ADD3: variants seen among roughly 807,000 people sequenced by gnomAD.
ADD3 encodes adducin 3, also known as gamma-adducin.
In ADD3, 25 loss-of-function variants were observed where a neutral mutation model predicts 80.2. The ratio of observed to expected loss-of-function variants is 0.31; its 90% CI spans 0.23 to 0.44. The LOEUF (loss-of-function observed/expected upper bound fraction) is 0.44, where lower values mean the gene tolerates loss of function less well. ADD3 is among the 20% of genes least tolerant of loss of function. The pLI is 1.00. For synonymous variants in ADD3, 284 were observed against 289.6 expected, an observed-to-expected ratio of 0.98 and a Z score of 0.20; for missense variants, 829 against 847.5, an observed-to-expected ratio of 0.98 and a Z score of 0.27.
chr10:110,055,110 G>A (rs749028088), intron 1 of ADD3, among the ~76,000 whole-genome samples: 27 of 152,192 alleles, frequency 1.8e-4, no homozygotes, highest in Non-Finnish European at 3.2e-4. Context: ...CCTCTAGTAA[G>A]TGCCCAATAA....
At chr10:110,039,106 C>T (rs1345524480) in intron 1 of ADD3, among the ~76,000 whole-genome samples, 8 of 152,106 alleles carry the variant, frequency 5.3e-5, no homozygotes, top group Admixed American at 1.3e-4. Flanking sequence ...TTAATTGTAA[C>T]GACTTATATT....
intron 1 of ADD3, among the ~76,000 whole-genome samples, chr10:110,045,017 G>A (rs1188746635): frequency 1.3e-5 from 2 of 152,212 alleles, no homozygotes; most frequent in Non-Finnish European, 2.9e-5. Context: ...GGACTAGTTG[G>A]TTACTTAGTA....
At chr10:110,037,343 G>A (rs901035612) in intron 1 of ADD3, among the ~76,000 whole-genome samples, 3 of 152,162 alleles carry the variant, frequency 2.0e-5, no homozygotes, top group Non-Finnish European at 4.4e-5. Flanking sequence ...GTGACTCAAC[G>A]CCTATAATCC....
At chr10:110,047,535 A>G (rs1439491105) in intron 1 of ADD3, among the ~76,000 whole-genome samples, 1 of 152,204 alleles carries the variant, frequency 6.6e-6, no homozygotes, top group East Asian at 1.9e-4. Flanking sequence ...AGGCCTAGAT[A>G]ATTTTTTAAT....
chr10:110,121,262 T>C (rs1590214981), intron 8 of ADD3, among the ~76,000 whole-genome samples: 1 of 152,176 alleles, frequency 6.6e-6, no homozygotes, highest in East Asian at 1.9e-4. Context: ...GCTGGGTAGA[T>C]CACCTGAGGT....
At chr10:110,097,113 T>C (rs1402391934) in intron 1 of ADD3, among the ~76,000 whole-genome samples, 1 of 152,260 alleles carries the variant, frequency 6.6e-6, no homozygotes, top group Non-Finnish European at 1.5e-5. Flanking sequence ...TGTTTAAGTA[T>C]ATTAACAGTT....
At chr10:110,067,013 G>C (rs115123452) in intron 1 of ADD3, among the ~76,000 whole-genome samples, 1 of 152,164 alleles carries the variant, frequency 6.6e-6, no homozygotes, top group Non-Finnish European at 1.5e-5. Context: ...TTAAGAACAC[G>C]GGTCTAGGTG....
At chr10:110,050,098 T>C (rs1314883143) in intron 1 of ADD3, among the ~76,000 whole-genome samples, 1 of 152,158 alleles carries the variant, frequency 6.6e-6, no homozygotes, top group Admixed American at 6.5e-5. Context: ...GAAGAGACTT[T>C]GGACTGTGGA....
intron 1 of ADD3, among the ~76,000 whole-genome samples, chr10:110,080,771 C>T (rs552506694): frequency 6.6e-6 from 1 of 152,320 alleles, no homozygotes; most frequent in East Asian, 1.9e-4. Context: ...TTTAATCCAT[C>T]TCCTTGTTTC....
chr10:110,030,144 A>G lies in ADD3; in HGVS notation c.-30+21845A>G, dbSNP rs575121687. 9.0e-3 allele frequency among the ~76,000 whole-genome samples: 1,333 copies of G among 147,882 alleles called. 16 individuals carry two copies. Among genetic ancestry groups the G allele is most frequent in the South Asian group, 0.048 (197 of 4,076 alleles). On this transcript the variant is annotated intron_variant, in intron 1 of 14. Transcript: ENST00000356080. ...TTCGAGACCAGCCTGACCAACATGG[A>G]GAAACCTCATCTCTACTAAAAATAC... is the stretch of plus-strand genomic sequence containing the variant.
chr10:110,003,958 T>C (rs1851538926), upstream of ADD3, among the ~76,000 whole-genome samples: 2 of 152,194 alleles, frequency 1.3e-5, no homozygotes, highest in Admixed American at 6.5e-5. Flanking sequence ...AATTCATTCA[T>C]TAAATCGTGT....
At chr10:110,040,961 T>G (rs1419389418) in intron 1 of ADD3, among the ~76,000 whole-genome samples, 3 of 16,556 alleles carry the variant, frequency 1.8e-4, no homozygotes, top group Non-Finnish European at 1.5e-3. Context: ...TCTGTCTCTC[T>G]CTGTCTCTCT....
At chr10:110,087,974 G>T (rs1847008142) in intron 1 of ADD3, among the ~76,000 whole-genome samples, 1 of 152,256 alleles carries the variant, frequency 6.6e-6, no homozygotes, top group South Asian at 2.1e-4. Flanking sequence ...GGCTTCTCAT[G>T]GTTCCCAGCT....
chr10:109,999,021 A>G (rs1446152357), intron 1 of ADD3, among the ~76,000 whole-genome samples: 2 of 152,208 alleles, frequency 1.3e-5, no homozygotes, highest in Non-Finnish European at 1.5e-5. Flanking sequence ...TCTACCACCC[A>G]GAACAGTGCC....
intron 1 of ADD3, among the ~76,000 whole-genome samples, chr10:110,095,761 T>C (rs539730771): frequency 1.3e-5 from 2 of 152,312 alleles, no homozygotes; most frequent in East Asian, 1.9e-4. Flanking sequence ...AGCCATACCA[T>C]AGAATAGCAT....
At chr10:110,113,330 C>T (rs549332619) in intron 3 of ADD3, among the ~76,000 whole-genome samples, 3 of 152,288 alleles carry the variant, frequency 2.0e-5, no homozygotes, top group East Asian at 1.9e-4. Flanking sequence ...TACAGTGGCC[C>T]GATCTCGGCT....
chr10:110,109,073 A>G (rs1849695562), intron 2 of ADD3, among the ~76,000 whole-genome samples: 1 of 152,210 alleles, frequency 6.6e-6, no homozygotes, highest in Non-Finnish European at 1.5e-5. Flanking sequence ...TCACTAATGT[A>G]AAAAGAGCAT....
At chr10:110,009,071 T>C (rs1852010633) in intron 1 of ADD3, among the ~76,000 whole-genome samples, 3 of 152,170 alleles carry the variant, frequency 2.0e-5, no homozygotes, top group South Asian at 4.1e-4. Context: ...AGGTGAACTT[T>C]TTTGTTGCAG....
chr10:110,011,475 G>C (rs1852322719), intron 1 of ADD3, among the ~76,000 whole-genome samples: 1 of 152,192 alleles, frequency 6.6e-6, no homozygotes, highest in South Asian at 2.1e-4. Flanking sequence ...GCAATGTAAT[G>C]TTAGGAAAAA....
Sources: allele counts gnomAD v4.1 joint callset (sites outside exome capture counted in the v4.1 genomes callset), GRCh38; gene constraint gnomAD v4.1.1; transcripts MANE v1.5; gene names NCBI Gene and HGNC (gene_info 2026-07-23, HGNC 2026-07-21).